RPS6KB1: variants seen among roughly 807,000 people sequenced by gnomAD.
RPS6KB1 encodes ribosomal protein S6 kinase B1.
A neutral mutation model predicts 70.2 loss-of-function variants in RPS6KB1; 12 were observed. The ratio of observed to expected loss-of-function variants is 0.17; its 90% CI spans 0.11 to 0.28. The LOEUF (loss-of-function observed/expected upper bound fraction) is 0.28, where lower values mean the gene tolerates loss of function less well. Ranked by LOEUF, RPS6KB1 falls within the 10% of genes least tolerant of loss-of-function variation. RPS6KB1 has a pLI of 1.00. For synonymous variants in RPS6KB1, 175 were observed against 211.2 expected, an observed-to-expected ratio of 0.83 and a Z score of 1.49; for missense variants, 270 against 646.6, an observed-to-expected ratio of 0.42 and a Z score of 6.32.
chr17:59,903,826 C>T (rs2042104459), intron 1 of RPS6KB1, among the ~76,000 whole-genome samples: 1 of 152,124 alleles, frequency 6.6e-6, no homozygotes, highest in African/African-American at 2.4e-5. Flanking sequence ...GCTTATTGTT[C>T]ATTTGTATAT....
At position 59,893,366 on chromosome 17, in the gene RPS6KB1, G is replaced by C. The variant is rs1452863005; in HGVS notation, c.141+41G>C. The C allele has an allele frequency of 1.3e-6, 2 of 1,562,314 alleles. No individual in the cohort carries two copies. The highest frequency in any genetic ancestry group is 1.2e-5 in the South Asian group (1 of 85,832). ...CCCGGGGGCCCGAGGTGACAGGGCC[G>C]GGGCGGCGGCGCGGGCTCAGGAAGC... On this transcript the variant is annotated intron_variant, in intron 1 of 14. Coordinates refer to ENST00000225577, the MANE Select transcript of RPS6KB1 (RefSeq NM_003161.4). This position sits in a 1 kb window ranked among gnomAD's most constrained non-coding sequence, Gnocchi z 4.1.
rs1760866843 is a variant in RPS6KB1, at chr17:59,936,211, A to C, written c.979-4A>C. 6.3e-7 allele frequency: 1 copy of C among 1,592,184 alleles called. No individual in the cohort carries two copies. Among genetic ancestry groups the C allele is most frequent in the Non-Finnish European group, 8.5e-7 (1 of 1,174,602 alleles). ...TTTATCCAAGCTTTTTTTCCTCTTTAAAGCTGCTGAAAAGAAATGCTGCTT... is the reference window on the plus strand; with the variant it reads ...TTTATCCAAGCTTTTTTTCCTCTTTCAAGCTGCTGAAAAGAAATGCTGCTT... On this transcript the variant is annotated splice_polypyrimidine_tract_variant and splice_region_variant and intron_variant, in intron 10 of 14. Coordinates refer to ENST00000225577, the MANE Select transcript of RPS6KB1 (RefSeq NM_003161.4).
At chr17:59,915,718 G>A (rs918237477) in intron 4 of RPS6KB1, among the ~76,000 whole-genome samples, 47 of 147,912 alleles carry the variant, frequency 3.2e-4, no homozygotes, top group South Asian at 8.6e-4. Flanking sequence ...CATCTGCCTC[G>A]GCCTCCCAAA....
chr17:59,920,223 G>A (rs1452649760), intron 4 of RPS6KB1, among the ~76,000 whole-genome samples: 2 of 151,572 alleles, frequency 1.3e-5, no homozygotes, highest in African/African-American at 4.9e-5. Flanking sequence ...TTGCCATGTT[G>A]GCCAGGCTGG....
At chr17:59,942,283 A>G (rs1484037323) in intron 13 of RPS6KB1, among the ~76,000 whole-genome samples, 1 of 152,208 alleles carries the variant, frequency 6.6e-6, no homozygotes, top group Non-Finnish European at 1.5e-5. Context: ...TGAATATTTG[A>G]CATCAAAACA....
At position 59,912,277 on chromosome 17, in the gene RPS6KB1, G is replaced by T. The variant is rs2042689944; in HGVS notation, c.192-407G>T. 1.8e-5 allele frequency: 4 copies of T among 224,148 alleles called. No homozygotes were observed. In the South Asian group the frequency reaches 2.6e-4, roughly 15 times the overall value. The allele number at this position is 224,148 out of a possible 1,614,324, so 13.9% of individuals were successfully genotyped here. A position where few individuals can be genotyped will look rare whatever the true frequency, so the allele number is the denominator to read the frequency against. On this transcript the variant is annotated intron_variant, in intron 2 of 14. Transcript: ENST00000225577. ...GCTCTTGTTGTGTCTGCTCAAACTG[G>T]CAAGGTCTGATCCAGAAATACGGCC...
chr17:59,943,128 G>C (rs1399371060), intron 13 of RPS6KB1, among the ~76,000 whole-genome samples: 1 of 152,116 alleles, frequency 6.6e-6, no homozygotes, highest in African/African-American at 2.4e-5. Flanking sequence ...TAGTCTTACA[G>C]TATTACATAA....
At chr17:59,905,631 A>C (rs1032451117) in intron 1 of RPS6KB1, among the ~76,000 whole-genome samples, 1 of 151,004 alleles carries the variant, frequency 6.6e-6, no homozygotes, top group African/African-American at 2.4e-5. Flanking sequence ...CAGCCTCCTG[A>C]GTAGCTGGGA....
intron 7 of RPS6KB1, among the ~76,000 whole-genome samples, chr17:59,933,153 GAAC>G (rs1322165853): frequency 6.0e-5 from 9 of 151,232 alleles, no homozygotes; most frequent in African/African-American, 1.9e-4. Flanking sequence ...AATGATGTAT[GAAC>G]AACTGAGGCT....
chr17:59,909,096 T>C lies in RPS6KB1; in HGVS notation c.142-1466T>C, dbSNP rs184218620. On this transcript the variant is annotated intron_variant, in intron 1 of 14. Coordinates refer to ENST00000225577, the MANE Select transcript of RPS6KB1 (RefSeq NM_003161.4). ...CATGGGCCACCACGGCCGACTAATT[T>C]TGTATTTTTTTAGTAGAGATGGGGT... is the stretch of plus-strand genomic sequence containing the variant. Among the ~76,000 whole-genome samples, 653 of 150,392 alleles carry C rather than the reference T, an allele frequency of 4.3e-3. 2 individuals carry two copies. Among genetic ancestry groups the C allele is most frequent in the Non-Finnish European group, 6.8e-3 (462 of 67,710 alleles).
In RPS6KB1 at chr17:59,893,475, G is replaced by A; in HGVS notation, c.141+150G>A. 1 of 836,336 alleles carries A rather than the reference G, an allele frequency of 1.2e-6. No homozygotes were observed. Among genetic ancestry groups the A allele is most frequent in the East Asian group, 2.7e-5 (1 of 37,336 alleles). The allele number at this position is 836,336 out of a possible 1,614,324, so 51.8% of individuals were successfully genotyped here. Reference sequence around the variant, plus strand: ...GGCCTGAGACAGGGGAGCGGGCGGGGCGGTCATGGCCCTAGGTGTGAGGCC... The same window carrying A: ...GGCCTGAGACAGGGGAGCGGGCGGGACGGTCATGGCCCTAGGTGTGAGGCC... On this transcript the variant is annotated intron_variant, in intron 1 of 14. Transcript: ENST00000225577. The surrounding 1 kb of genome is among the most constrained non-coding windows in gnomAD (Gnocchi z 4.1).
chr17:59,898,982 C>T (rs1024099946), intron 1 of RPS6KB1, among the ~76,000 whole-genome samples: 5 of 151,608 alleles, frequency 3.3e-5, no homozygotes, highest in African/African-American at 1.2e-4. Flanking sequence ...GTGGGCAGAT[C>T]ACCTGAGGTC....
chr17:59,902,374 G>C (rs1226455018), intron 1 of RPS6KB1, among the ~76,000 whole-genome samples: 1 of 151,812 alleles, frequency 6.6e-6, no homozygotes, highest in Non-Finnish European at 1.5e-5. Flanking sequence ...CAAAGTGCTG[G>C]GATTACAGGC....
At chr17:59,941,020 T>C (rs1365277027) in intron 13 of RPS6KB1, 77 bp downstream of exon 13, 2 of 926,568 alleles carry the variant, frequency 2.2e-6, no homozygotes, top group Non-Finnish European at 1.7e-6. Flanking sequence ...TTCAGTTTGC[T>C]TGCTTTGCAG....
intron 1 of RPS6KB1, among the ~76,000 whole-genome samples, chr17:59,907,701 G>A (rs1335985683): frequency 2.6e-5 from 4 of 152,010 alleles, no homozygotes; most frequent in African/African-American, 9.7e-5. Context: ...ACCACACTCA[G>A]CTAATTTTTA....
chr17:59,902,202 T>C (rs1165160715), intron 1 of RPS6KB1, among the ~76,000 whole-genome samples: 1 of 149,456 alleles, frequency 6.7e-6, no homozygotes, highest in Non-Finnish European at 1.5e-5. Context: ...CCTCCTGGGT[T>C]CAAGTAATTT....
intron 3 of RPS6KB1, among the ~76,000 whole-genome samples, chr17:59,913,412 G>C (rs2042760924): frequency 6.6e-6 from 1 of 152,198 alleles, no homozygotes; most frequent in African/African-American, 2.4e-5. Context: ...CTATTGTGTA[G>C]TGTTAATTTT....
At chr17:59,938,741 GTGTT>G (rs1338384348) in intron 12 of RPS6KB1, among the ~76,000 whole-genome samples, 5 of 143,878 alleles carry the variant, frequency 3.5e-5, no homozygotes, top group African/African-American at 8.1e-5. Context: ...GTGTGTGTGT[GTGTT>G]TAAGTGATGT....
At position 59,934,426 on chromosome 17, in the gene RPS6KB1, C is replaced by A; in HGVS notation, c.780-8C>A. On this transcript the variant is annotated splice_region_variant and splice_polypyrimidine_tract_variant and intron_variant, in intron 8 of 14. Transcript: ENST00000225577. The surrounding 1 kb of genome is among the most constrained non-coding windows in gnomAD (Gnocchi z 4.8). ...GAATTTTTAAGCATATTATTTTCCT[C>A]ATTGTAGGGCCCCTGAAATCTTGAT... 6.2e-7 allele frequency: 1 copy of A among 1,611,882 alleles called. No homozygotes were observed. The highest frequency in any genetic ancestry group is 1.1e-5 in the South Asian group (1 of 90,962).
Sources: allele counts gnomAD v4.1 joint callset (sites outside exome capture counted in the v4.1 genomes callset), GRCh38; gene constraint gnomAD v4.1.1; non-coding constraint Gnocchi (gnomAD v3.1); transcripts MANE v1.5; gene names NCBI Gene and HGNC (gene_info 2026-07-23, HGNC 2026-07-21).